Variants in IGSF21 observed in about 807,000 individuals in gnomAD.
The protein encoded by IGSF21 is immunoglobin superfamily member 21.
A neutral mutation model predicts 46.8 loss-of-function variants in IGSF21; 28 were observed. The ratio of observed to expected loss-of-function variants is 0.60; its 90% CI spans 0.44 to 0.82. The LOEUF is 0.82. IGSF21 is among the 40% of genes least tolerant of loss of function. IGSF21 has a pLI of 0.00. For missense variants in IGSF21, 624 were observed against 665.5 expected (o/e 0.94, Z 0.69); for synonymous variants, 284 against 273.6 (o/e 1.04, Z -0.38).
At chr1:18,249,338 G>A (rs1338519823) in intron 2 of IGSF21, among the ~76,000 whole-genome samples, 2 of 152,158 alleles carry the variant, frequency 1.3e-5, no homozygotes, top group Non-Finnish European at 1.5e-5. Flanking sequence ...ATGGCAGCCC[G>A]AGTTAGGGGA....
intron 1 of IGSF21, among the ~76,000 whole-genome samples, chr1:18,189,199 G>A (rs1026388750): frequency 2.6e-5 from 4 of 152,248 alleles, no homozygotes; most frequent in Non-Finnish European, 5.9e-5. Flanking sequence ...CGACTTTGGG[G>A]CAAACATCCC....
intron 1 of IGSF21, among the ~76,000 whole-genome samples, chr1:18,117,953 A>G (rs1341331309): frequency 6.6e-6 from 1 of 152,104 alleles, no homozygotes; most frequent in East Asian, 1.9e-4. Flanking sequence ...AATGTCAGGG[A>G]CCTGTCCCAG....
chr1:18,232,656 C>T (rs1381614772), intron 2 of IGSF21, among the ~76,000 whole-genome samples: 1 of 152,194 alleles, frequency 6.6e-6, no homozygotes. Context: ...TACACTAGTG[C>T]TTACCTCATC....
chr1:18,202,025 A>C (rs2087080396), intron 1 of IGSF21, among the ~76,000 whole-genome samples: 1 of 152,160 alleles, frequency 6.6e-6, no homozygotes, highest in Non-Finnish European at 1.5e-5. Context: ...AGCACCAAGC[A>C]CTTGGAAAAT....
chr1:18,220,555 G>C (rs1004068449), intron 1 of IGSF21, among the ~76,000 whole-genome samples: 1 of 152,086 alleles, frequency 6.6e-6, no homozygotes, highest in Non-Finnish European at 1.5e-5. Context: ...CTAGGCACCT[G>C]GGGACCATAG....
rs568228050 is a variant in IGSF21 at position 18,245,252 on chromosome 1, T to C, written c.183+17242T>C. 1.2e-4 allele frequency among the ~76,000 whole-genome samples: 18 copies of C among 152,348 alleles called. No homozygotes were observed. In the East Asian group the frequency reaches 3.1e-3, roughly 26 times the overall value. On this transcript the variant is annotated intron_variant, in intron 2 of 9. Coordinates refer to ENST00000251296, the MANE Select transcript of IGSF21 (RefSeq NM_032880.5). Reference sequence around the variant, plus strand: ...CTATTCCAATTTCACCTAGAATTTTTATAAAGAAAAATTAATTAAATGCTC... The same window carrying C: ...CTATTCCAATTTCACCTAGAATTTTCATAAAGAAAAATTAATTAAATGCTC...
At chr1:18,311,223 A>G (rs1277209492) in intron 3 of IGSF21, among the ~76,000 whole-genome samples, 1 of 152,204 alleles carries the variant, frequency 6.6e-6, no homozygotes, top group East Asian at 1.9e-4. Context: ...ACCCAGCTGC[A>G]AGGATGACTC....
chr1:18,374,365 C>T (rs1032731059), intron 6 of IGSF21, among the ~76,000 whole-genome samples: 3 of 152,214 alleles, frequency 2.0e-5, no homozygotes, highest in African/African-American at 4.8e-5. Context: ...CAAATGTTAG[C>T]CATCAAACCT....
intron 1 of IGSF21, chr1:18,167,859 T>G (rs2086694581): frequency 6.6e-6 from 1 of 152,180 alleles, no homozygotes; most frequent in African/African-American, 2.4e-5. Context: ...CCCGGCGCCC[T>G]GGGTGCCACT....
chr1:18,350,242 G>A (rs1440503038), intron 4 of IGSF21, among the ~76,000 whole-genome samples: 2 of 152,210 alleles, frequency 1.3e-5, no homozygotes, highest in East Asian at 1.9e-4. Context: ...GAGCCAGATG[G>A]GCCAGGGGAC....
chr1:18,160,442 T>C (rs966353287), intron 1 of IGSF21, among the ~76,000 whole-genome samples: 2 of 152,246 alleles, frequency 1.3e-5, no homozygotes, highest in Admixed American at 6.5e-5. Context: ...TTTCCTATAA[T>C]GGCAGGCGGT....
chr1:18,172,100 G>C (rs2086742580), intron 1 of IGSF21, among the ~76,000 whole-genome samples: 1 of 152,236 alleles, frequency 6.6e-6, no homozygotes, highest in Admixed American at 6.5e-5. Context: ...AAGAAAGATA[G>C]ACTTGGGACT....
At chr1:18,211,318 T>C (rs551807099) in intron 1 of IGSF21, among the ~76,000 whole-genome samples, 4 of 152,240 alleles carry the variant, frequency 2.6e-5, no homozygotes, top group Non-Finnish European at 5.9e-5. Context: ...CATTCCCTTG[T>C]TCTTCAGTGG....
At chr1:18,363,395 G>T (rs2086123918) in intron 5 of IGSF21, among the ~76,000 whole-genome samples, 1 of 152,216 alleles carries the variant, frequency 6.6e-6, no homozygotes, top group African/African-American at 2.4e-5. Flanking sequence ...GGGGCAGGGT[G>T]GTAAATGGGT....
chr1:18,122,173 T>C (rs959646879), intron 1 of IGSF21, among the ~76,000 whole-genome samples: 9 of 149,230 alleles, frequency 6.0e-5, no homozygotes, highest in African/African-American at 2.0e-4. Context: ...TTTTTTCTTT[T>C]CTTTTTTCTT....
chr1:18,126,758 C>T (rs956721375), intron 1 of IGSF21, among the ~76,000 whole-genome samples: 1 of 152,148 alleles, frequency 6.6e-6, no homozygotes. Context: ...AGAGCTGGTG[C>T]TGGCTTCCGC....
rs2086285484 is a variant in IGSF21, at chr1:18,376,813, C to A, written c.1115C>A (p.Pro372Gln). 1 of 1,593,626 alleles carries A rather than the reference C, an allele frequency of 6.3e-7. No homozygotes were observed. The change falls in exon 8 of 10, where the codon CCG becomes CAG. Residue 372 changes from proline to glutamine, a missense_variant. Pro to Gln is a moderately conservative substitution (Grantham distance 76). Transcript: ENST00000251296. ...TCTGGCCAACAGAACGAAGTCTTCC[C>A]GGAGCCCATGTTCACGTGGACGCGG... ...LVHGFQNEVF[P>Q]EPMFTWTRVG...
In IGSF21 at chr1:18,260,681, C is replaced by T. The variant is rs1007098992; in HGVS notation, c.184-31185C>T. Among the ~76,000 whole-genome samples the T allele has an allele frequency of 2.0e-5, 3 of 152,206 alleles. No homozygotes were observed. The East Asian group carries it at 5.8e-4, about 29-fold the overall frequency. On this transcript the variant is annotated intron_variant, in intron 2 of 9. Transcript: ENST00000251296. ...CAGTAACTTCTGAGTGTTGGCATGG[C>T]AATGGTAAACTGACATGGTGCACTG...
rs1160890326 is a variant in IGSF21, at chr1:18,115,866, A to G, written c.70+7668A>G. ...GGAAGAAAGAAAGAAAGAAAGAAAG[A>G]AAGAAAGAAAGAAAGAAAGAAAGAA... On this transcript the variant is annotated intron_variant, in intron 1 of 9. Transcript: ENST00000251296. 1.5e-3 allele frequency: 179 copies of G among 116,620 alleles called. 1 individual carries two copies. The highest frequency in any genetic ancestry group is 6.7e-3 in the South Asian group (16 of 2,378). 7.2% of individuals were successfully genotyped at this position (116,620 alleles called of 1,614,324 possible).
Sources: gnomAD v4.1 joint callset for allele counts (sites outside exome capture counted in the v4.1 genomes callset) on GRCh38, gnomAD v4.1.1 for gene constraint, MANE v1.5 for transcripts, NCBI Gene and HGNC (gene_info 2026-07-23, HGNC 2026-07-21) for gene names.